The following ZFAND3 variants were observed in gnomAD, a reference collection of about 807,000 sequenced individuals.
ZFAND3 encodes AN1-type zinc finger protein 3.
A neutral mutation model predicts 29.6 loss-of-function variants in ZFAND3; 10 were observed. The ratio of observed to expected loss-of-function variants is 0.34; its 90% CI spans 0.21 to 0.57. The LOEUF (loss-of-function observed/expected upper bound fraction) is 0.57. ZFAND3 is among the 20% of genes least tolerant of loss of function. ZFAND3 has a pLI of 0.86. For missense variants in ZFAND3, 230 were observed against 304.5 expected (o/e 0.76, Z 1.82); for synonymous variants, 128 against 112.6 (o/e 1.14, Z -0.87).
intron 4 of ZFAND3, among the ~76,000 whole-genome samples, chr6:38,085,648 C>T (rs1276997321): frequency 1.3e-5 from 2 of 151,786 alleles, no homozygotes; most frequent in Non-Finnish European, 2.9e-5. Context: ...TTATGTTGCC[C>T]AGACTGGTCT....
At chr6:37,924,722 A>G (rs150343137) in intron 1 of ZFAND3, among the ~76,000 whole-genome samples, 49 of 151,644 alleles carry the variant, frequency 3.2e-4, no homozygotes, top group Admixed American at 2.6e-3. Flanking sequence ...TTGGGAGGCT[A>G]TAGTGGGAGG....
intron 2 of ZFAND3, among the ~76,000 whole-genome samples, chr6:38,009,597 G>A (rs957733999): frequency 3.3e-5 from 5 of 152,204 alleles, no homozygotes; most frequent in Non-Finnish European, 2.9e-5. Flanking sequence ...CCCAGCATAC[G>A]TAGCCACCAT....
intron 1 of ZFAND3, among the ~76,000 whole-genome samples, chr6:37,863,875 C>G (rs971128435): frequency 6.6e-6 from 1 of 152,120 alleles, no homozygotes; most frequent in Non-Finnish European, 1.5e-5. Flanking sequence ...TGTGGCTGGA[C>G]TAAGTCTAGT....
chr6:37,862,261 C>G (rs1044443295), intron 1 of ZFAND3, among the ~76,000 whole-genome samples: 1 of 151,844 alleles, frequency 6.6e-6, no homozygotes. Context: ...CAAACCATGC[C>G]TAAGAATTCA....
Position 38,061,598 on chromosome 6 carries a change from C to G in ZFAND3, c.118C>G (p.Gln40Glu). ...CGTTTTCTATTTTTCTTCAGATTTT[C>G]AAAAGAAACAGCCAGACGATGATTC... ...NLCSKCFADF[Q>E]KKQPDDDSAP... The change falls in exon 3 of 6, where the codon CAA becomes GAA. Residue 40 changes from glutamine (Q) to glutamate (E), a missense_variant. Transcript: ENST00000287218. The G allele has an allele frequency of 6.2e-7, 1 of 1,613,936 alleles. No individual in the cohort carries two copies. Among genetic ancestry groups the G allele is most frequent in the Non-Finnish European group, 8.5e-7 (1 of 1,179,926 alleles).
At chr6:38,120,103 A>G (rs1765500545) in intron 5 of ZFAND3, among the ~76,000 whole-genome samples, 2 of 152,214 alleles carry the variant, frequency 1.3e-5, no homozygotes, top group East Asian at 1.9e-4. Context: ...CTCAAGATAG[A>G]AAACAGTTGC....
intron 2 of ZFAND3, among the ~76,000 whole-genome samples, chr6:38,007,571 C>T (rs980640848): frequency 4.6e-5 from 7 of 151,916 alleles, no homozygotes; most frequent in African/African-American, 9.7e-5. Flanking sequence ...TCACTTAGTT[C>T]GTTGTGTAGG....
chr6:38,024,086 T>A (rs1372244563), intron 2 of ZFAND3, among the ~76,000 whole-genome samples: 2 of 152,152 alleles, frequency 1.3e-5, no homozygotes, highest in Non-Finnish European at 2.9e-5. Flanking sequence ...ACTGTAGAAA[T>A]CACTGGGTTC....
intron 1 of ZFAND3, among the ~76,000 whole-genome samples, chr6:37,883,049 T>C (rs1764925149): frequency 6.6e-6 from 1 of 152,074 alleles, no homozygotes; most frequent in African/African-American, 2.4e-5. Context: ...TGAGACCCCT[T>C]CTCTACAAAA....
intron 3 of ZFAND3, among the ~76,000 whole-genome samples, chr6:38,081,294 T>G (rs1764657384): frequency 6.6e-6 from 1 of 152,150 alleles, no homozygotes; most frequent in Non-Finnish European, 1.5e-5. Flanking sequence ...CATCTGTGTC[T>G]TCTTACACTC....
intron 4 of ZFAND3, among the ~76,000 whole-genome samples, chr6:38,088,792 T>C (rs565169545): frequency 1.3e-5 from 2 of 152,318 alleles, no homozygotes; most frequent in East Asian, 3.9e-4. Context: ...TAAAATGTGA[T>C]TATAATTAGT....
At chr6:38,109,364 G>A (rs2127481604) in intron 4 of ZFAND3, among the ~76,000 whole-genome samples, 1 of 152,062 alleles carries the variant, frequency 6.6e-6, no homozygotes, top group East Asian at 1.9e-4. Flanking sequence ...ATTTTTAGTA[G>A]AGACAGAGTT....
At chr6:38,123,602 T>G (rs1765574733) in intron 5 of ZFAND3, among the ~76,000 whole-genome samples, 1 of 152,112 alleles carries the variant, frequency 6.6e-6, no homozygotes, top group Non-Finnish European at 1.5e-5. Context: ...GTGTGGAGAG[T>G]CCATGCTCTA....
At chr6:37,934,490 T>C (rs1369003249) in intron 2 of ZFAND3, among the ~76,000 whole-genome samples, 2 of 146,772 alleles carry the variant, frequency 1.4e-5, no homozygotes, top group Non-Finnish European at 3.0e-5. Context: ...CTTAAATTGC[T>C]CATCTACATT....
intron 2 of ZFAND3, among the ~76,000 whole-genome samples, chr6:37,944,957 G>A (rs1044321578): frequency 2.0e-5 from 3 of 152,196 alleles, no homozygotes; most frequent in Non-Finnish European, 4.4e-5. Context: ...CTTTAATCAA[G>A]GGGTGGAGTA....
At chr6:37,924,005 T>G (rs1334696919) in intron 1 of ZFAND3, among the ~76,000 whole-genome samples, 1 of 152,144 alleles carries the variant, frequency 6.6e-6, no homozygotes, top group Admixed American at 6.5e-5. Flanking sequence ...TACATTCTGT[T>G]CAAGGGGTAT....
intron 2 of ZFAND3, among the ~76,000 whole-genome samples, chr6:37,999,869 A>T (rs907409041): frequency 6.6e-6 from 1 of 152,176 alleles, no homozygotes; most frequent in African/African-American, 2.4e-5. Flanking sequence ...TGGCTCGTTA[A>T]TTGTAACAAA....
chr6:37,855,633 A>C (rs2127381323), intron 1 of ZFAND3, among the ~76,000 whole-genome samples: 1 of 152,232 alleles, frequency 6.6e-6, no homozygotes, highest in Middle Eastern at 3.4e-3. Flanking sequence ...AATATGTTAA[A>C]ATTTGAAGAG....
intron 1 of ZFAND3, among the ~76,000 whole-genome samples, chr6:37,881,861 A>AG: frequency 6.6e-6 from 1 of 152,290 alleles, no homozygotes; most frequent in East Asian, 1.9e-4. Context: ...TTAAAAAAAA[A>AG]AACATTCCTT....
Sources: gnomAD v4.1 joint callset for allele counts (sites outside exome capture counted in the v4.1 genomes callset) on GRCh38, gnomAD v4.1.1 for gene constraint, MANE v1.5 for transcripts, NCBI Gene and HGNC (gene_info 2026-07-23, HGNC 2026-07-21) for gene names.